CP: variants seen among roughly 807,000 people sequenced by gnomAD.
CP encodes the protein caeruloplasmin.
CP carries 64 observed loss-of-function variants against 122.4 expected under a neutral mutation model. The observed-to-expected ratio is 0.52, with a 90% confidence interval of 0.43 to 0.64. CP has a LOEUF of 0.64. Among genes scored for constraint, CP ranks in the 30% least tolerant of loss-of-function variants. The pLI, the probability that CP is intolerant of heterozygous loss-of-function variation, is 0.00. For synonymous variants in CP, 440 were observed against 436.4 expected (o/e 1.01, Z -0.10); for missense variants, 1,167 against 1,284.4 (o/e 0.91, Z 1.40).
At chr3:149,178,749 T>C in intron 15 of CP, 118 bp from the exon 16 acceptor site, 2 of 741,216 alleles carry the variant, frequency 2.7e-6, no homozygotes, top group South Asian at 1.6e-5. Flanking sequence ...TAACAGACTT[T>C]GCCCAATGTG....
chr3:149,186,252 A>C (rs1245837677), intron 11 of CP: 1 of 496,478 alleles, frequency 2.0e-6, no homozygotes, highest in African/African-American at 1.9e-5. Flanking sequence ...ACCATAATCT[A>C]AAAAGGGATC....
At chr3:149,212,184 G>A (rs1232606444) in intron 2 of CP, among the ~76,000 whole-genome samples, 1 of 151,866 alleles carries the variant, frequency 6.6e-6, no homozygotes, top group Non-Finnish European at 1.5e-5. Flanking sequence ...GGTAGTGGGC[G>A]CCTGTAGTCC....
exon 5 of CP, chr3:149,166,031 C>T (rs1367512566): frequency 1.1e-5 from 5 of 455,850 alleles, no homozygotes; most frequent in Non-Finnish European, 1.8e-5. Context: ...TCCATATTCT[C>T]CTGTGAGTCT....
intron 9 of CP, among the ~76,000 whole-genome samples, chr3:149,191,823 G>C (rs1726566143): frequency 6.6e-6 from 1 of 152,080 alleles, no homozygotes; most frequent in South Asian, 2.1e-4. Context: ...ACCGTGTTAT[G>C]CATAATATTA....
At chr3:149,166,891 A>T in intron 4 of CP, 1 of 687,224 alleles carries the variant, frequency 1.5e-6, no homozygotes, top group East Asian at 2.7e-5. Context: ...TTAAATAAGG[A>T]CCACGTGCAT....
chr3:149,198,276 G>A, intron 9 of CP, 91 bp downstream of exon 9: 1 of 996,550 alleles, frequency 1.0e-6, no homozygotes, highest in Non-Finnish European at 1.6e-6. Context: ...AAGTATTTTT[G>A]GAGATAATGA....
At chr3:149,189,495 A>G (rs943990438) in intron 9 of CP, among the ~76,000 whole-genome samples, 2 of 151,524 alleles carry the variant, frequency 1.3e-5, no homozygotes, top group African/African-American at 4.9e-5. Flanking sequence ...TGGAGCTTGC[A>G]GTGAGCCAAG....
At chr3:149,209,439 T>G (rs1727962234) in intron 3 of CP, 55 bp from the exon 4 acceptor site, 4 of 1,538,398 alleles carry the variant, frequency 2.6e-6, no homozygotes, top group Non-Finnish European at 3.6e-6. Flanking sequence ...GTATTTTGAT[T>G]TATGTTTTCA....
chr3:149,216,953 T>C (rs1348420065), intron 1 of CP, among the ~76,000 whole-genome samples: 5 of 150,716 alleles, frequency 3.3e-5, no homozygotes, highest in Non-Finnish European at 5.9e-5. Context: ...CAGGCTATAA[T>C]GTAACGGCGT....
chr3:149,178,324 A>G, intron 16 of CP, 91 bp downstream of exon 16: 3 of 1,074,666 alleles, frequency 2.8e-6, no homozygotes, highest in South Asian at 1.4e-5. Flanking sequence ...TTATTTTAAG[A>G]CAAAACAAAT....
At position 149,203,987 on chromosome 3, in the gene CP, AGT is replaced by A. The variant is rs60465647; in HGVS notation, c.1209-1748_1209-1747del. Reference sequence around the variant, plus strand: ...AGGGGAAGTAGAGTTAGCAAGATGAAGTGTGTGTGTAGCGCAGAGACTAGGGC... The same window carrying A: ...AGGGGAAGTAGAGTTAGCAAGATGAAGTGTGTGTAGCGCAGAGACTAGGGC... On this transcript the variant is annotated intron_variant, in intron 6 of 18. Transcript: ENST00000264613. 6.5e-3 allele frequency among the ~76,000 whole-genome samples: 987 copies of A among 152,298 alleles called. 12 individuals are homozygous for A. The highest frequency in any genetic ancestry group is 0.022 in the African/African-American group (924 of 41,564).
At chr3:149,176,136 G>T in intron 18 of CP, 114 bp downstream of exon 18, 1 of 1,034,586 alleles carries the variant, frequency 9.7e-7, no homozygotes, top group Non-Finnish European at 1.5e-6. Flanking sequence ...CAGGGCAGCA[G>T]ATTCACAAAT....
chr3:149,190,678 A>T (rs62939062), intron 9 of CP, among the ~76,000 whole-genome samples: 3 of 148,308 alleles, frequency 2.0e-5, no homozygotes, highest in African/African-American at 7.5e-5. Flanking sequence ...AAAAAAAAAA[A>T]GGAGGGGGGG....
At chr3:149,167,818 A>T (rs1480893927), downstream of CP, 1 of 917,116 alleles carries the variant, frequency 1.1e-6, no homozygotes, top group Non-Finnish European at 1.8e-6. Context: ...TTTCCTGCAC[A>T]ATCTTCTTAT....
chr3:149,179,711 TACACACACACAC>T (rs71304221), intron 14 of CP, 49 bp from the exon 15 acceptor site: 170 of 608,956 alleles, frequency 2.8e-4, no homozygotes, highest in Non-Finnish European at 3.9e-4. Context: ...GTTTATATTG[TACACACACACAC>T]ACACACACAC....
chr3:149,177,946 C>T lies in CP; in HGVS notation c.2912G>A (p.Gly971Asp). 6.2e-7 allele frequency: 1 copy of T among 1,613,518 alleles called. No individual in the cohort carries two copies. Among genetic ancestry groups the T allele is most frequent in the Non-Finnish European group, 8.5e-7 (1 of 1,179,498 alleles). Reference sequence around the variant, plus strand: ...TTCATCTCCCACGTGCATTGTGAGGCCTTGTAGGTTTCCAAACATTCTTCC... The same window carrying T: ...TTCATCTCCCACGTGCATTGTGAGGTCTTGTAGGTTTCCAAACATTCTTCC... ...INGRMFGNLQ[G>D]LTMHVGDEVN... The change falls in exon 17 of 19, where the codon GGC becomes GAC. Residue 971 changes from glycine (G) to aspartate (D), a missense_variant. By Grantham distance (94) the Gly-to-Asp change is moderately conservative. Transcript: ENST00000264613.
chr3:149,207,521 T>C lies in CP; in HGVS notation c.878A>G (p.Asp293Gly), dbSNP rs1727825685. ...WYLFGMGNEV[D>G]VHAAFFHGQA... ...CCCGTGAAAGAAAGCTGCGTGCACA[T>C]CAACTTCATTACCCATACCAAAAAG... The change falls in exon 5 of 19, where the codon GAT becomes GGT. Residue 293 changes from aspartate to glycine, a missense_variant. Asp to Gly is a moderately conservative substitution (Grantham distance 94). Coordinates refer to ENST00000264613, the MANE Select transcript of CP (RefSeq NM_000096.4). 1 of 1,614,026 alleles carries C rather than the reference T, an allele frequency of 6.2e-7. No individual in the cohort carries two copies. Among genetic ancestry groups the C allele is most frequent in the Non-Finnish European group, 8.5e-7 (1 of 1,179,882 alleles).
chr3:149,172,378 G>A, downstream of CP: 1 of 616,858 alleles, frequency 1.6e-6, no homozygotes, highest in Non-Finnish European at 2.9e-6. Flanking sequence ...AATGCTTTCA[G>A]GCTGCTTACC....
chr3:149,181,975 C>CGGGGGGGGGGCG, intron 14 of CP, 30 bp downstream of exon 14: 4 of 1,088,426 alleles, frequency 3.7e-6, no homozygotes, highest in Non-Finnish European at 4.1e-6. Context: ...TGTTAAAATG[C>CGGGGGGGGGGCG]ACCACCCCCA....
Sources: allele counts gnomAD v4.1 joint callset (sites outside exome capture counted in the v4.1 genomes callset), GRCh38; gene constraint gnomAD v4.1.1; transcripts MANE v1.5; gene names NCBI Gene and HGNC (gene_info 2026-07-23, HGNC 2026-07-21).